Variants in SLC35F4 observed in about 807,000 individuals in gnomAD.
SLC35F4 encodes solute carrier family 35 member F4.
A neutral mutation model predicts 44.2 loss-of-function variants in SLC35F4; 24 were observed. The ratio of observed to expected loss-of-function variants is 0.54; its 90% CI spans 0.39 to 0.76. The LOEUF is 0.76. Ranked by LOEUF, SLC35F4 falls within the 30% of genes least tolerant of loss-of-function variation. SLC35F4 has a pLI of 0.00. For missense variants in SLC35F4, 562 were observed against 586.1 expected, an observed-to-expected ratio of 0.96 and a Z score of 0.42; for synonymous variants, 238 against 223.6, an observed-to-expected ratio of 1.06 and a Z score of -0.57.
At chr14:57,794,379 C>A (rs1048300134) in intron 1 of SLC35F4, among the ~76,000 whole-genome samples, 1 of 151,916 alleles carries the variant, frequency 6.6e-6, no homozygotes, top group African/African-American at 2.4e-5. Context: ...AAAAAGTGGG[C>A]AAACAACATA....
At chr14:57,881,083 T>A (rs1888525423) in intron 1 of SLC35F4, among the ~76,000 whole-genome samples, 1 of 152,012 alleles carries the variant, frequency 6.6e-6, no homozygotes, top group Non-Finnish European at 1.5e-5. Context: ...TGGGAACAAA[T>A]GCCCTCTCTA....
intron 1 of SLC35F4, among the ~76,000 whole-genome samples, chr14:57,880,214 G>T (rs999803873): frequency 6.6e-6 from 1 of 152,144 alleles, no homozygotes; most frequent in African/African-American, 2.4e-5. Context: ...CTATCATGAG[G>T]ATAAAATGAG....
At chr14:57,948,589 T>C (rs1027855932) in intron 1 of SLC35F4, among the ~76,000 whole-genome samples, 4 of 151,152 alleles carry the variant, frequency 2.6e-5, no homozygotes, top group Non-Finnish European at 5.9e-5. Flanking sequence ...GGGTTTGATT[T>C]GTTCTTGTTT....
At chr14:57,706,084 T>G (rs1258103089) in intron 1 of SLC35F4, among the ~76,000 whole-genome samples, 2 of 152,218 alleles carry the variant, frequency 1.3e-5, no homozygotes, top group African/African-American at 4.8e-5. Flanking sequence ...TTCTAGATAA[T>G]TGGATCAATC....
At chr14:57,661,663 G>A (rs1169821173) in intron 1 of SLC35F4, among the ~76,000 whole-genome samples, 1 of 152,152 alleles carries the variant, frequency 6.6e-6, no homozygotes, top group Admixed American at 6.5e-5. Context: ...GAAGGCTACA[G>A]ATCCAGAGAC....
intron 7 of SLC35F4, among the ~76,000 whole-genome samples, chr14:57,565,600 C>G (rs1287589961): frequency 2.0e-5 from 3 of 152,174 alleles, no homozygotes; most frequent in Non-Finnish European, 4.4e-5. Context: ...ATGAACGAAA[C>G]TCCTTGACAA....
chr14:57,665,764 G>A (rs1199875268), intron 1 of SLC35F4, among the ~76,000 whole-genome samples: 1 of 152,170 alleles, frequency 6.6e-6, no homozygotes, highest in African/African-American at 2.4e-5. Flanking sequence ...TAAAGAACAT[G>A]TGGGACATAT....
At chr14:57,617,790 AGAG>A (rs2071933126) in intron 1 of SLC35F4, among the ~76,000 whole-genome samples, 1 of 152,216 alleles carries the variant, frequency 6.6e-6, no homozygotes, top group South Asian at 2.1e-4. Context: ...GCAGGAACCC[AGAG>A]GAGGAGTTAG....
intron 1 of SLC35F4, among the ~76,000 whole-genome samples, chr14:57,716,167 G>A (rs2075935472): frequency 6.6e-6 from 1 of 152,166 alleles, no homozygotes; most frequent in African/African-American, 2.4e-5. Context: ...CAGCAAAGGT[G>A]CCATTAGGGG....
chr14:57,947,356 C>G (rs1393788261), intron 1 of SLC35F4, among the ~76,000 whole-genome samples: 3 of 151,398 alleles, frequency 2.0e-5, no homozygotes, highest in African/African-American at 7.3e-5. Flanking sequence ...TATAGCAGTG[C>G]TACTGATTTG....
At chr14:57,854,783 T>C (rs1886924177) in intron 1 of SLC35F4, among the ~76,000 whole-genome samples, 1 of 152,236 alleles carries the variant, frequency 6.6e-6, no homozygotes, top group Non-Finnish European at 1.5e-5. Context: ...TTCCAGCCCA[T>C]TTTAAATAAG....
At chr14:57,825,172 C>T (rs1456620224) in intron 1 of SLC35F4, among the ~76,000 whole-genome samples, 1 of 152,048 alleles carries the variant, frequency 6.6e-6, no homozygotes, top group East Asian at 1.9e-4. Context: ...GAAGGTGGGG[C>T]TGCCATTTAC....
At chr14:57,769,630 G>A (rs150156351) in intron 1 of SLC35F4, among the ~76,000 whole-genome samples, 1 of 152,216 alleles carries the variant, frequency 6.6e-6, no homozygotes, top group East Asian at 1.9e-4. Flanking sequence ...GGCTGCACAG[G>A]CCCACAAAGA....
intron 1 of SLC35F4, among the ~76,000 whole-genome samples, chr14:57,933,303 G>C (rs958000130): frequency 6.6e-6 from 1 of 152,022 alleles, no homozygotes; most frequent in Non-Finnish European, 1.5e-5. Context: ...GATTACAGGC[G>C]TGAGCCACCA....
At chr14:57,775,940 A>C (rs73291852) in intron 1 of SLC35F4, among the ~76,000 whole-genome samples, 91 of 152,332 alleles carry the variant, frequency 6.0e-4, no homozygotes, top group African/African-American at 2.1e-3. Flanking sequence ...CAAAATAGCC[A>C]GTGTAGAAAA....
chr14:57,724,752 T>A (rs1431211963), intron 1 of SLC35F4, among the ~76,000 whole-genome samples: 1 of 152,134 alleles, frequency 6.6e-6, no homozygotes, highest in African/African-American at 2.4e-5. Context: ...TTCTGCACGA[T>A]ATGCAGGCAC....
intron 1 of SLC35F4, among the ~76,000 whole-genome samples, chr14:57,905,473 A>G (rs1889088539): frequency 1.3e-5 from 2 of 152,202 alleles, no homozygotes; most frequent in Admixed American, 1.3e-4. Flanking sequence ...CTGCAGGGGA[A>G]TCTTGGAGGC....
intron 1 of SLC35F4, among the ~76,000 whole-genome samples, chr14:57,961,840 C>T (rs574025801): frequency 2.1e-3 from 319 of 152,294 alleles, no homozygotes; most frequent in Middle Eastern, 0.01. Flanking sequence ...CGACTTTAAG[C>T]CCTCTTATTA....
intron 1 of SLC35F4, among the ~76,000 whole-genome samples, chr14:57,964,771 A>T (rs77422721): frequency 0.052 from 7,824 of 151,920 alleles, 203 homozygotes; most frequent in East Asian, 0.089. Context: ...CATGGCAGTG[A>T]AGGGTGGCAT....
Sources: gnomAD v4.1 joint callset for allele counts (sites outside exome capture counted in the v4.1 genomes callset) on GRCh38, gnomAD v4.1.1 for gene constraint, MANE v1.5 for transcripts, NCBI Gene and HGNC (gene_info 2026-07-23, HGNC 2026-07-21) for gene names.